PLCXD3: variants seen among roughly 807,000 people sequenced by gnomAD.
PLCXD3 encodes PI-PLC X domain-containing protein 3.
A neutral mutation model predicts 25.5 loss-of-function variants in PLCXD3; 19 were observed. The ratio of observed to expected loss-of-function variants is 0.75; its 90% confidence interval spans 0.52 to 1.09. The LOEUF is 1.09. PLCXD3 is among the 50% of genes least tolerant of loss of function. PLCXD3 has a pLI of 0.00. For missense variants in PLCXD3, 411 were observed against 388.1 expected (o/e 1.06, Z -0.50); for synonymous variants, 174 against 137.6 (o/e 1.26, Z -1.85).
Position 41,445,684 on chromosome 5 carries a change from G to A in PLCXD3, c.104-63150C>T, listed in dbSNP as rs1044157229. On this transcript the variant is annotated intron_variant, in intron 1 of 2. Coordinates refer to ENST00000377801, the MANE Select transcript of PLCXD3 (RefSeq NM_001005473.3). ...GTATATTTGAGAAAGAGGGAACAAG[G>A]TAAAATTACAATTCAGAACAATCAG... Among the ~76,000 whole-genome samples the A allele has an allele frequency of 6.6e-5, 10 of 152,098 alleles. 1 individual carries two copies. The highest frequency in any genetic ancestry group is 2.4e-4 in the African/African-American group (10 of 41,414).
intron 1 of PLCXD3, among the ~76,000 whole-genome samples, chr5:41,404,997 A>G (rs1746309096): frequency 2.0e-5 from 3 of 152,114 alleles, no homozygotes; most frequent in African/African-American, 7.2e-5. Context: ...TGACAACACT[A>G]TGTGTTAGTA....
intron 2 of PLCXD3, among the ~76,000 whole-genome samples, chr5:41,375,635 C>T (rs556593014): frequency 1.3e-5 from 2 of 152,094 alleles, no homozygotes; most frequent in Non-Finnish European, 2.9e-5. Flanking sequence ...ATGCTAACAT[C>T]CTACCAGGGT....
intron 1 of PLCXD3, among the ~76,000 whole-genome samples, chr5:41,426,999 A>G (rs1234391904): frequency 6.6e-6 from 1 of 152,116 alleles, no homozygotes; most frequent in Non-Finnish European, 1.5e-5. Context: ...AATTGATTTT[A>G]TTCTTTATAA....
intron 1 of PLCXD3, among the ~76,000 whole-genome samples, chr5:41,450,598 A>G (rs1747606289): frequency 6.6e-6 from 1 of 152,062 alleles, no homozygotes; most frequent in South Asian, 2.1e-4. Flanking sequence ...CTCTAGTAGT[A>G]AAGAAAGAGG....
At chr5:41,482,784 G>T (rs368256532) in intron 1 of PLCXD3, among the ~76,000 whole-genome samples, 47 of 152,192 alleles carry the variant, frequency 3.1e-4, no homozygotes, top group African/African-American at 1.1e-3. Flanking sequence ...TTTAATTTAG[G>T]TTTAAAAAAT....
rs138531399 is a variant in PLCXD3 at position 41,364,668 on chromosome 5, T to A, written c.812+17158A>T. Among the ~76,000 whole-genome samples the A allele has an allele frequency of 1.2e-3, 189 of 152,298 alleles. 1 individual carries two copies. The highest frequency in any genetic ancestry group is 3.4e-3 in the Middle Eastern group (1 of 294). ...GCACTATCATTTTGCCAAGTTGCTA[T>A]AAAATTGTCCTTTCTCATTACAAAA... is the stretch of plus-strand genomic sequence containing the variant. On this transcript the variant is annotated intron_variant, in intron 2 of 2. Coordinates refer to ENST00000377801, the MANE Select transcript of PLCXD3 (RefSeq NM_001005473.3).
intron 1 of PLCXD3, among the ~76,000 whole-genome samples, chr5:41,449,343 G>A (rs1190661473): frequency 6.6e-6 from 1 of 152,154 alleles, no homozygotes; most frequent in Non-Finnish European, 1.5e-5. Flanking sequence ...AGCTGAAATT[G>A]TAAAGTATAG....
chr5:41,451,653 T>A (rs565748102), intron 1 of PLCXD3, among the ~76,000 whole-genome samples: 1 of 151,958 alleles, frequency 6.6e-6, no homozygotes, highest in South Asian at 2.1e-4. Flanking sequence ...TTTTTTTTTT[T>A]ATGTTGGATG....
At chr5:41,339,664 T>C (rs982077499) in intron 2 of PLCXD3, among the ~76,000 whole-genome samples, 1 of 152,128 alleles carries the variant, frequency 6.6e-6, no homozygotes, top group African/African-American at 2.4e-5. Context: ...ATAGACATCA[T>C]AGAATATGTC....
At chr5:41,493,608 CTTTG>C (rs1472205414) in intron 1 of PLCXD3, among the ~76,000 whole-genome samples, 1 of 152,242 alleles carries the variant, frequency 6.6e-6, no homozygotes, top group Non-Finnish European at 1.5e-5. Context: ...TTTCTGGCTG[CTTTG>C]TTTATCTAAG....
chr5:41,415,701 T>A (rs978206192), intron 1 of PLCXD3, among the ~76,000 whole-genome samples: 2 of 152,180 alleles, frequency 1.3e-5, no homozygotes, highest in African/African-American at 4.8e-5. Flanking sequence ...TTGCAGTCCC[T>A]ACATTGCCAA....
intron 2 of PLCXD3, among the ~76,000 whole-genome samples, chr5:41,327,279 A>C (rs1044766953): frequency 6.6e-5 from 10 of 152,154 alleles, no homozygotes; most frequent in African/African-American, 1.9e-4. Context: ...AGTTGAGAAG[A>C]AGCAGAAAAG....
chr5:41,507,328 A>C (rs1749069556), intron 1 of PLCXD3, among the ~76,000 whole-genome samples: 1 of 152,228 alleles, frequency 6.6e-6, no homozygotes, highest in South Asian at 2.1e-4. Flanking sequence ...TAGGGCCATC[A>C]GAGAGAGAAG....
chr5:41,498,195 G>T (rs318020), intron 1 of PLCXD3, among the ~76,000 whole-genome samples: 61,502 of 151,082 alleles, frequency 0.41, 12,521 homozygotes, highest in Middle Eastern at 0.49. Flanking sequence ...GATTAGAGCA[G>T]AAATAAATAA....
chr5:41,327,078 C>G (rs1362583929), intron 2 of PLCXD3, among the ~76,000 whole-genome samples: 1 of 152,044 alleles, frequency 6.6e-6, no homozygotes, highest in Non-Finnish European at 1.5e-5. Context: ...AAAACAGGGG[C>G]TATTTGAACT....
At chr5:41,456,527 T>A in intron 1 of PLCXD3, 3 of 928,612 alleles carry the variant, frequency 3.2e-6, no homozygotes, top group Non-Finnish European at 3.9e-6. Flanking sequence ...GAAAAACAAG[T>A]TCTTAATCTC....
chr5:41,471,204 C>T (rs1422261343), intron 1 of PLCXD3, among the ~76,000 whole-genome samples: 2 of 152,154 alleles, frequency 1.3e-5, no homozygotes, highest in Admixed American at 6.5e-5. Flanking sequence ...TTCATAAGAA[C>T]CAAAAATCAG....
Position 41,357,333 on chromosome 5 carries a change from TA to T in PLCXD3, c.812+24492del, listed in dbSNP as rs1479147320. ...GAATTTTTAAAAAGTTGTTATCAAT[TA>T]AAAAATTGTTATTGCCATAATTTAA... On this transcript the variant is annotated intron_variant, in intron 2 of 2. Transcript: ENST00000377801. Among the ~76,000 whole-genome samples, 8 of 152,364 alleles carry T rather than the reference TA, an allele frequency of 5.3e-5. No homozygotes were observed. The East Asian group carries it at 1.3e-3, about 26-fold the overall frequency.
intron 2 of PLCXD3, among the ~76,000 whole-genome samples, chr5:41,370,494 T>C (rs1218496578): frequency 2.6e-5 from 4 of 152,188 alleles, no homozygotes; most frequent in Non-Finnish European, 4.4e-5. Context: ...CCTAGAGTGA[T>C]GTTAGTTAGT....
Sources: allele counts gnomAD v4.1 joint callset (sites outside exome capture counted in the v4.1 genomes callset), GRCh38; gene constraint gnomAD v4.1.1; transcripts MANE v1.5; gene names NCBI Gene and HGNC (gene_info 2026-07-23, HGNC 2026-07-21).